CPE: variants seen among roughly 807,000 people sequenced by gnomAD.
CPE encodes the protein carbocypeptidase E.
Under a neutral mutation model 53.5 loss-of-function variants are expected in CPE, and 17 were observed. The observed-to-expected ratio is 0.32, with a 90% CI of 0.22 to 0.48. The LOEUF is 0.48. CPE is among the 20% of genes least tolerant of loss of function. The pLI is 0.99. For synonymous variants in CPE, 226 were observed against 228.8 expected (o/e 0.99, Z 0.11); for missense variants, 524 against 614.7 (o/e 0.85, Z 1.56).
At chr4:165,447,080 G>A (rs1731728987) in intron 1 of CPE, among the ~76,000 whole-genome samples, 1 of 152,080 alleles carries the variant, frequency 6.6e-6, no homozygotes, top group African/African-American at 2.4e-5. Context: ...TCTAAATATA[G>A]AAAAGGTACA....
intron 1 of CPE, chr4:165,404,833 C>T (rs1395906650): frequency 2.6e-5 from 20 of 766,594 alleles, no homozygotes; most frequent in Admixed American, 1.9e-4. Flanking sequence ...TCATCTCCAG[C>T]AGCTGCATCT....
At chr4:165,476,822 T>C (rs553917909) in intron 3 of CPE, among the ~76,000 whole-genome samples, 15 of 152,242 alleles carry the variant, frequency 9.9e-5, no homozygotes, top group African/African-American at 3.6e-4. Context: ...CTTTCCTGCT[T>C]CTGAGTCATG....
At chr4:165,455,955 A>G (rs893446296) in intron 1 of CPE, among the ~76,000 whole-genome samples, 4 of 152,132 alleles carry the variant, frequency 2.6e-5, no homozygotes, top group African/African-American at 9.7e-5. Flanking sequence ...GCCTGGCCAC[A>G]AGTCAAAGGT....
chr4:165,427,771 T>C (rs1343475403), intron 1 of CPE, among the ~76,000 whole-genome samples: 1 of 152,166 alleles, frequency 6.6e-6, no homozygotes, highest in Non-Finnish European at 1.5e-5. Flanking sequence ...CCATTGGATC[T>C]CCTCTAGCAA....
At chr4:165,408,378 T>C (rs1479002941) in intron 1 of CPE, among the ~76,000 whole-genome samples, 1 of 151,960 alleles carries the variant, frequency 6.6e-6, no homozygotes, top group East Asian at 1.9e-4. Context: ...TGCAGATGGA[T>C]ATCCCATTGT....
At chr4:165,406,438 G>C (rs1186343502) in intron 1 of CPE, 2 of 306,752 alleles carry the variant, frequency 6.5e-6, no homozygotes, top group African/African-American at 2.2e-5. Flanking sequence ...TTATAACCAA[G>C]GAGAATACAA....
intron 2 of CPE, among the ~76,000 whole-genome samples, chr4:165,466,970 T>C (rs936127488): frequency 2.0e-5 from 3 of 152,242 alleles, no homozygotes; most frequent in Admixed American, 6.5e-5. Context: ...CTTTTTTCTA[T>C]TTTTAAAACT....
chr4:165,402,187 CTAA>C (rs1365306852), intron 1 of CPE, among the ~76,000 whole-genome samples: 1 of 152,150 alleles, frequency 6.6e-6, no homozygotes, highest in Non-Finnish European at 1.5e-5. Context: ...GGAAAATGTG[CTAA>C]TAATAATAGT....
intron 1 of CPE, among the ~76,000 whole-genome samples, chr4:165,461,066 C>T (rs567559083): frequency 6.7e-6 from 1 of 148,736 alleles, no homozygotes; most frequent in South Asian, 2.2e-4. Flanking sequence ...ACTCAGAAGG[C>T]TGATGTGGGA....
intron 1 of CPE, among the ~76,000 whole-genome samples, chr4:165,463,786 G>T (rs927465674): frequency 6.6e-6 from 1 of 152,232 alleles, no homozygotes; most frequent in Admixed American, 6.5e-5. Context: ...TTAATAGGAG[G>T]CACGTAGTGT....
Position 165,459,254 on chromosome 4 carries a change from A to G in CPE, c.308-5136A>G, listed in dbSNP as rs28498589. The stretch of plus-strand genomic sequence containing the variant: ...GCTCTGGTTTGGAATTTATGCAGCT[A>G]TTTCTGCCTTAATTAAAACTGTGGA... On this transcript the variant is annotated intron_variant, in intron 1 of 8. Coordinates refer to ENST00000402744, the MANE Select transcript of CPE (RefSeq NM_001873.4). 3.5e-3 allele frequency among the ~76,000 whole-genome samples: 533 copies of G among 152,350 alleles called. 3 individuals are homozygous for G. The highest frequency in any genetic ancestry group is 0.012 in the African/African-American group (514 of 41,584).
chr4:165,379,141 C>T lies in CPE; in HGVS notation c.-81C>T. 8.6e-7 allele frequency: 1 copy of T among 1,163,002 alleles called. No individual in the cohort carries two copies. The highest frequency in any genetic ancestry group is 1.1e-6 in the Non-Finnish European group (1 of 933,896). The allele number at this position is 1,163,002 out of a possible 1,614,324, so 72.0% of individuals were successfully genotyped here. On this transcript the variant is annotated 5_prime_UTR_variant, in exon 1 of 9. Coordinates refer to ENST00000402744, the MANE Select transcript of CPE (RefSeq NM_001873.4). The surrounding 1 kb of genome is among the most constrained non-coding windows in gnomAD (Gnocchi z 6.0). Reference sequence around the variant, plus strand: ...CGGAACTTGCCGCCCCCAGCAGCGCCGGCGGGCTAAGCCCAGGGCCGGGCA... The same window carrying T: ...CGGAACTTGCCGCCCCCAGCAGCGCTGGCGGGCTAAGCCCAGGGCCGGGCA...
chr4:165,415,955 C>T (rs559673006), intron 1 of CPE, among the ~76,000 whole-genome samples: 1 of 152,128 alleles, frequency 6.6e-6, no homozygotes, highest in African/African-American at 2.4e-5. Context: ...ATCTAGATCC[C>T]CCAGAGGTAA....
intron 1 of CPE, among the ~76,000 whole-genome samples, chr4:165,389,106 A>G (rs571160814): frequency 6.6e-6 from 1 of 152,340 alleles, no homozygotes; most frequent in South Asian, 2.1e-4. Flanking sequence ...TGCTAAAGCC[A>G]TAAAAATATA....
intron 1 of CPE, among the ~76,000 whole-genome samples, chr4:165,435,692 A>G (rs1731488565): frequency 6.7e-6 from 1 of 149,050 alleles, no homozygotes; most frequent in Non-Finnish European, 1.5e-5. Flanking sequence ...TGTTTATCGT[A>G]TATAATAATA....
At chr4:165,389,559 T>C (rs1730647663) in intron 1 of CPE, among the ~76,000 whole-genome samples, 2 of 152,214 alleles carry the variant, frequency 1.3e-5, no homozygotes, top group African/African-American at 4.8e-5. Flanking sequence ...AGGTTACAAC[T>C]TCATGGCTTC....
At position 165,405,780 on chromosome 4, in the gene CPE, A is replaced by T. The variant is rs6837454; in HGVS notation, c.307+26252A>T. ...TGCCAGTCAGCATCATGTCAAAAGC[A>T]GCAGGCACACCCACCATTTTGGGCA... is the stretch of plus-strand genomic sequence containing the variant. On this transcript the variant is annotated intron_variant, in intron 1 of 8. Coordinates refer to ENST00000402744, the MANE Select transcript of CPE (RefSeq NM_001873.4). 11 of 877,014 alleles carry T rather than the reference A, an allele frequency of 1.3e-5. 1 individual carries two copies. The highest frequency in any genetic ancestry group is 6.6e-5 in the African/African-American group (4 of 60,278). 54.3% of individuals were successfully genotyped at this position (877,014 alleles called of 1,614,324 possible).
chr4:165,431,334 T>A (rs7677477), intron 1 of CPE, among the ~76,000 whole-genome samples: 51,371 of 151,804 alleles, frequency 0.34, 8,784 homozygotes, highest in East Asian at 0.52. Context: ...GTGTTAGTAC[T>A]ACAAAATTGA....
intron 1 of CPE, chr4:165,403,920 A>C (rs1186520626): frequency 2.5e-5 from 12 of 486,634 alleles, no homozygotes; most frequent in Admixed American, 5.7e-5. Flanking sequence ...TCTTGGCTGA[A>C]GGCACTTTAA....
Sources: gnomAD v4.1 joint callset for allele counts (sites outside exome capture counted in the v4.1 genomes callset) on GRCh38, gnomAD v4.1.1 for gene constraint, Gnocchi (gnomAD v3.1) non-coding constraint, MANE v1.5 for transcripts, NCBI Gene and HGNC (gene_info 2026-07-23, HGNC 2026-07-21) for gene names.